ANKFN1: variants seen among roughly 807,000 people sequenced by gnomAD.
ANKFN1 encodes the protein ankyrin repeat and fibronectin type-III domain-containing protein 1.
In ANKFN1, 74 loss-of-function variants were observed where a neutral mutation model predicts 108.7. The observed-to-expected ratio is 0.68, with a 90% confidence interval of 0.56 to 0.83. The LOEUF is 0.83. ANKFN1 is among the 40% of genes least tolerant of loss of function. The probability of loss-of-function intolerance (pLI) is 0.00; values close to 1 mark genes in which losing one functional copy is unlikely to be tolerated. For missense variants in ANKFN1, 1,505 were observed against 1,382.3 expected (o/e 1.09, Z -1.41); for synonymous variants, 547 against 516.2 (o/e 1.06, Z -0.81).
chr17:56,370,370 G>C (rs2046776702), intron 6 of ANKFN1, among the ~76,000 whole-genome samples: 1 of 152,218 alleles, frequency 6.6e-6, no homozygotes, highest in African/African-American at 2.4e-5. Flanking sequence ...CATAGTTCAA[G>C]AGAAGCTGTC....
intron 15 of ANKFN1, chr17:56,473,561 G>A (rs2050395583): frequency 1.3e-5 from 2 of 149,948 alleles, no homozygotes; most frequent in Admixed American, 1.3e-4. Context: ...TACTCGGGAA[G>A]CTGAGGCAGG....
Position 56,326,146 on chromosome 17 carries a change from T to G in ANKFN1, c.54-75T>G, listed in dbSNP as rs187504735. On this transcript the variant is annotated intron_variant, in intron 3 of 20. Coordinates refer to ENST00000682825, the MANE Select transcript of ANKFN1 (RefSeq NM_001370326.1). ...GCATCATTTCCTCTTTTATTTTGCA[T>G]TAAGAGTATCTTCATGATCATGGAC... The G allele has an allele frequency of 2.6e-4, 390 of 1,510,828 alleles. 3 individuals carry two copies. The South Asian group carries it at 3.8e-3, about 15-fold the overall frequency. The allele number at this position is 1,510,828 out of a possible 1,614,324, so 93.6% of individuals were successfully genotyped here. A position where few individuals can be genotyped will look rare whatever the true frequency, so the allele number is the denominator to read the frequency against.
chr17:56,368,803 C>T (rs539337432), intron 6 of ANKFN1, among the ~76,000 whole-genome samples: 121 of 152,262 alleles, frequency 7.9e-4, no homozygotes, highest in African/African-American at 2.9e-3. Flanking sequence ...GTGGCACTTT[C>T]CCATTTTATT....
intron 3 of ANKFN1, among the ~76,000 whole-genome samples, chr17:56,320,659 C>A (rs1264068362): frequency 2.6e-5 from 4 of 152,062 alleles, no homozygotes; most frequent in African/African-American, 9.7e-5. Context: ...GACAAGAAGG[C>A]TTTTCAGAAG....
At chr17:56,089,299 A>C (rs73325640) in intron 4 of ANKFN1, among the ~76,000 whole-genome samples, 18,988 of 151,268 alleles carry the variant, frequency 0.13, 3,379 homozygotes, top group African/African-American at 0.37. Context: ...TGTATTTACT[A>C]ATTTTCCTAT....
chr17:56,396,535 C>A (rs983028928), intron 8 of ANKFN1, among the ~76,000 whole-genome samples: 1 of 152,066 alleles, frequency 6.6e-6, no homozygotes, highest in Non-Finnish European at 1.5e-5. Flanking sequence ...CTTGAAGAAA[C>A]TTCTGGTTTT....
chr17:56,194,972 A>G (rs973387285), intron 1 of ANKFN1, among the ~76,000 whole-genome samples: 2 of 152,232 alleles, frequency 1.3e-5, no homozygotes, highest in East Asian at 1.9e-4. Flanking sequence ...TCTGTTCTCT[A>G]TGACTCATGT....
At chr17:56,236,558 C>T (rs1009655896) in intron 3 of ANKFN1, among the ~76,000 whole-genome samples, 3 of 151,984 alleles carry the variant, frequency 2.0e-5, no homozygotes, top group East Asian at 3.9e-4. Context: ...GAAACTTTGC[C>T]GAAGTTGTTT....
chr17:56,279,089 T>C (rs1016103891), intron 3 of ANKFN1, among the ~76,000 whole-genome samples: 2 of 152,246 alleles, frequency 1.3e-5, no homozygotes, highest in African/African-American at 4.8e-5. Context: ...CTCTGTGCCA[T>C]GCACAGTGCT....
At chr17:56,180,056 G>C (rs1911540292) in intron 1 of ANKFN1, among the ~76,000 whole-genome samples, 1 of 152,170 alleles carries the variant, frequency 6.6e-6, no homozygotes, top group South Asian at 2.1e-4. Flanking sequence ...ATTCACAGAG[G>C]AAGAAGTGAT....
At chr17:56,268,355 A>G (rs2043707842) in intron 3 of ANKFN1, among the ~76,000 whole-genome samples, 1 of 152,230 alleles carries the variant, frequency 6.6e-6, no homozygotes, top group African/African-American at 2.4e-5. Flanking sequence ...AAATTAAGGC[A>G]GAAATCAAGA....
intron 15 of ANKFN1, among the ~76,000 whole-genome samples, chr17:56,467,516 C>G: frequency 6.6e-6 from 1 of 151,498 alleles, no homozygotes; most frequent in East Asian, 1.9e-4. Context: ...CCCATCTTTA[C>G]TAGAAATACA....
chr17:56,373,889 C>T (rs2046877027), intron 7 of ANKFN1, among the ~76,000 whole-genome samples: 1 of 152,184 alleles, frequency 6.6e-6, no homozygotes, highest in Non-Finnish European at 1.5e-5. Context: ...TTGTAATTTG[C>T]TAAATTATAA....
At chr17:56,241,455 C>A (rs928931693) in intron 3 of ANKFN1, among the ~76,000 whole-genome samples, 2 of 152,122 alleles carry the variant, frequency 1.3e-5, no homozygotes, top group African/African-American at 4.8e-5. Flanking sequence ...CATGAACTTG[C>A]TTTCCATATG....
intron 2 of ANKFN1, 35 bp from the exon 3 acceptor site, chr17:56,227,882 T>C: frequency 6.3e-7 from 1 of 1,576,476 alleles, no homozygotes; most frequent in South Asian, 1.2e-5. Context: ...TACTGTACAA[T>C]TTTTTAACAT....
rs1045904333 is a variant in ANKFN1 at position 56,193,704 on chromosome 17, G to A, written c.-70-18894G>A. Among the ~76,000 whole-genome samples the A allele has an allele frequency of 2.6e-5, 4 of 152,198 alleles. 1 individual carries two copies. The highest frequency in any genetic ancestry group is 4.1e-4 in the South Asian group (2 of 4,828). On this transcript the variant is annotated intron_variant, in intron 1 of 20. Transcript: ENST00000682825. ...AAGATGCATAGGCAAAAATGTGGAT[G>A]GTCTTTGATTTCACAATGACTTTTT... is the stretch of plus-strand genomic sequence containing the variant.
chr17:56,094,722 A>G (rs1352979328), intron 4 of ANKFN1, among the ~76,000 whole-genome samples: 1 of 137,408 alleles, frequency 7.3e-6, no homozygotes, highest in African/African-American at 2.8e-5. Flanking sequence ...GGGTTTCACC[A>G]TGTTGGCCAG....
chr17:56,243,679 G>A (rs978373374), intron 3 of ANKFN1, among the ~76,000 whole-genome samples: 1 of 152,044 alleles, frequency 6.6e-6, no homozygotes, highest in Admixed American at 6.6e-5. Context: ...AGCCCAGGTG[G>A]CTAAGGGCTT....
upstream of ANKFN1, among the ~76,000 whole-genome samples, chr17:56,151,157 T>A (rs1908579512): frequency 6.6e-6 from 1 of 152,212 alleles, no homozygotes; most frequent in Non-Finnish European, 1.5e-5. Flanking sequence ...TGTGACCTCC[T>A]TATGACCTTA....
Sources: gnomAD v4.1 joint callset for allele counts (sites outside exome capture counted in the v4.1 genomes callset) on GRCh38, gnomAD v4.1.1 for gene constraint, MANE v1.5 for transcripts, NCBI Gene and HGNC (gene_info 2026-07-23, HGNC 2026-07-21) for gene names.